SPICE1: variants seen among roughly 807,000 people sequenced by gnomAD.
SPICE1 encodes the protein spindle and centriole-associated protein 1.
In SPICE1, 75 loss-of-function variants were observed where a neutral mutation model predicts 102.7. The ratio of observed to expected loss-of-function variants is 0.73; its 90% CI spans 0.61 to 0.88. The LOEUF is 0.88. Among genes scored for constraint, SPICE1 ranks in the 40% least tolerant of loss-of-function variants. The probability of loss-of-function intolerance (pLI) is 0.00; values close to 1 mark genes in which losing one functional copy is unlikely to be tolerated. For missense variants in SPICE1, 979 were observed against 1,020.1 expected, an observed-to-expected ratio of 0.96 and a Z score of 0.55; for synonymous variants, 308 against 350.3, an observed-to-expected ratio of 0.88 and a Z score of 1.35.
rs752887696 is a variant in SPICE1 at position 113,457,355 on chromosome 3, G to A, written c.1438C>T (p.Arg480Cys). 3.5e-5 allele frequency: 56 copies of A among 1,613,880 alleles called. No homozygotes were observed. Among genetic ancestry groups the A allele is most frequent in the Middle Eastern group, 1.6e-4 (1 of 6,084 alleles). ...GAGACATTGGCATTTACAACTGGAC[G>A]CTCTGAAGAAGATGAGAGGATATTA... ...TGRRVMDSPERPVVNANVSVP... is the reference protein window; with the variant it reads ...TGRRVMDSPECPVVNANVSVP... The change falls in exon 13 of 18, where the codon CGT becomes TGT. Residue 480 changes from arginine (R) to cysteine (C), a missense_variant and splice_region_variant. Transcript: ENST00000295872.
intron 11 of SPICE1, among the ~76,000 whole-genome samples, chr3:113,465,078 G>A (rs1936020941): frequency 6.7e-6 from 1 of 148,676 alleles, no homozygotes; most frequent in Non-Finnish European, 1.5e-5. Context: ...TCCATCCTGG[G>A]TGACAGAGTG....
chr3:113,467,728 G>A (rs1478253447), intron 10 of SPICE1, among the ~76,000 whole-genome samples: 2 of 152,196 alleles, frequency 1.3e-5, no homozygotes, highest in Non-Finnish European at 2.9e-5. Flanking sequence ...CACATATCAA[G>A]TCTACCGATT....
At chr3:113,492,235 T>C (rs954260480) in intron 6 of SPICE1, among the ~76,000 whole-genome samples, 5 of 152,224 alleles carry the variant, frequency 3.3e-5, no homozygotes, top group Admixed American at 6.5e-5. Flanking sequence ...TAATTGCCTT[T>C]GGAAGTATGA....
chr3:113,445,992 T>C (rs887455967), intron 17 of SPICE1, among the ~76,000 whole-genome samples: 2 of 152,232 alleles, frequency 1.3e-5, no homozygotes, highest in Non-Finnish European at 2.9e-5. Context: ...TCAAAGGAAC[T>C]ATATTTTACT....
chr3:113,514,844 AG>A, intron 1 of SPICE1, 52 bp downstream of exon 1: 1 of 1,238,660 alleles, frequency 8.1e-7, no homozygotes, highest in Non-Finnish European at 1.0e-6. Flanking sequence ...CGCATACTCG[AG>A]GTGCTCTGGC....
chr3:113,463,249 A>G (rs959672954), intron 11 of SPICE1, among the ~76,000 whole-genome samples: 1 of 152,182 alleles, frequency 6.6e-6, no homozygotes, highest in South Asian at 2.1e-4. Flanking sequence ...CTAACTTACT[A>G]TACTTCAACT....
At chr3:113,447,851 C>T (rs1298254510) in intron 16 of SPICE1, among the ~76,000 whole-genome samples, 187 bp downstream of exon 16, 1 of 152,184 alleles carries the variant, frequency 6.6e-6, no homozygotes, top group Non-Finnish European at 1.5e-5. Flanking sequence ...TGCCTTTCTA[C>T]TTAAAGTTTA....
At chr3:113,513,979 A>G (rs1169145235) in intron 1 of SPICE1, among the ~76,000 whole-genome samples, 1 of 152,372 alleles carries the variant, frequency 6.6e-6, no homozygotes, top group Non-Finnish European at 1.5e-5. Flanking sequence ...GTGTGCCATG[A>G]AAGTACCTAA....
At chr3:113,473,804 A>T (rs1936267041) in intron 7 of SPICE1, among the ~76,000 whole-genome samples, 1 of 152,006 alleles carries the variant, frequency 6.6e-6, no homozygotes, top group African/African-American at 2.4e-5. Context: ...CATGGAAAGG[A>T]ACAACCGGTA....
rs140358595 is a variant in SPICE1, at chr3:113,501,510, A to G, written c.147+1670T>C. On this transcript the variant is annotated intron_variant, in intron 3 of 17. Transcript: ENST00000295872. ...AAATGGGAGAAAATACTTGCAAATT[A>G]TATCTGATTAGGAACTCAAATCCAG... Among the ~76,000 whole-genome samples, 177 of 152,354 alleles carry G rather than the reference A, an allele frequency of 1.2e-3. 1 individual carries two copies. Among genetic ancestry groups the G allele is most frequent in the African/African-American group, 3.2e-3 (134 of 41,590 alleles).
intron 3 of SPICE1, among the ~76,000 whole-genome samples, chr3:113,502,662 T>TAAAA (rs35248720): frequency 1.1e-5 from 1 of 87,280 alleles, no homozygotes; most frequent in African/African-American, 4.6e-5. Flanking sequence ...CAATAAATCT[T>TAAAA]AAAAAAAAAA....
intron 6 of SPICE1, among the ~76,000 whole-genome samples, chr3:113,491,893 C>A (rs1936777459): frequency 1.3e-5 from 2 of 152,126 alleles, no homozygotes; most frequent in Non-Finnish European, 2.9e-5. Flanking sequence ...TGGTAATAAG[C>A]TCAAGTGTGC....
At chr3:113,474,824 C>A (rs956187115) in intron 7 of SPICE1, among the ~76,000 whole-genome samples, 17 of 151,996 alleles carry the variant, frequency 1.1e-4, no homozygotes, top group African/African-American at 4.1e-4. Flanking sequence ...TAAATGCCCA[C>A]AAGAGAAAGC....
At chr3:113,507,451 TA>T (rs2107508390) in intron 1 of SPICE1, among the ~76,000 whole-genome samples, 1 of 152,214 alleles carries the variant, frequency 6.6e-6, no homozygotes, top group East Asian at 1.9e-4. Context: ...CCAATTAGTC[TA>T]AAACAAGGAC....
chr3:113,493,657 T>C (rs1936812639), intron 5 of SPICE1, among the ~76,000 whole-genome samples: 1 of 152,130 alleles, frequency 6.6e-6, no homozygotes, highest in Non-Finnish European at 1.5e-5. Flanking sequence ...AGATAAACAA[T>C]GAACTACACA....
chr3:113,480,175 G>C (rs1936458015), intron 7 of SPICE1, among the ~76,000 whole-genome samples: 1 of 150,758 alleles, frequency 6.6e-6, no homozygotes, highest in Non-Finnish European at 1.5e-5. Context: ...GGCTTGAGAA[G>C]AAATAGAAGC....
chr3:113,476,364 G>A (rs1936347235), intron 7 of SPICE1, among the ~76,000 whole-genome samples: 1 of 151,358 alleles, frequency 6.6e-6, no homozygotes, highest in Non-Finnish European at 1.5e-5. Context: ...ACTGCCCAAG[G>A]TAATTTAGAG....
intron 1 of SPICE1, among the ~76,000 whole-genome samples, chr3:113,509,231 C>T (rs1937172206): frequency 6.6e-6 from 1 of 152,088 alleles, no homozygotes; most frequent in South Asian, 2.1e-4. Context: ...TGAATTATAG[C>T]TCAATAAAGC....
intron 6 of SPICE1, among the ~76,000 whole-genome samples, chr3:113,489,575 G>C (rs557426419): frequency 4.6e-5 from 7 of 152,184 alleles, no homozygotes; most frequent in Middle Eastern, 6.8e-3. Context: ...GCCAGGTGTG[G>C]TGGCTCATGC....
Sources: gnomAD v4.1 joint callset for allele counts (sites outside exome capture counted in the v4.1 genomes callset) on GRCh38, gnomAD v4.1.1 for gene constraint, MANE v1.5 for transcripts, NCBI Gene and HGNC (gene_info 2026-07-23, HGNC 2026-07-21) for gene names.